Variants in NRXN1 observed in about 807,000 individuals in gnomAD.
NRXN1 encodes the protein neurexin-1.
In NRXN1, 39 loss-of-function variants were observed where a neutral mutation model predicts 150.9. That is an observed-to-expected ratio of 0.26 (90% CI 0.20 to 0.34). The LOEUF is 0.34. Among genes scored for constraint, NRXN1 ranks in the 10% least tolerant of loss-of-function variants. The probability of loss-of-function intolerance (pLI) is 1.00; values close to 1 mark genes in which losing one functional copy is unlikely to be tolerated. For missense variants in NRXN1, 1,815 were observed against 1,949.9 expected (o/e 0.93, Z 1.30); for synonymous variants, 924 against 757.0 (o/e 1.22, Z -3.62).
intron 21 of NRXN1, chr2:49,970,167 A>T (rs1351767347): frequency 2.0e-5 from 3 of 152,146 alleles, no homozygotes; most frequent in Non-Finnish European, 4.4e-5. Context: ...TAGTAAAACA[A>T]GTATTTGAAT....
rs72882064 is a variant in NRXN1, at chr2:50,532,671, G to A, written c.2144-1241C>T. On this transcript the variant is annotated intron_variant, in intron 10 of 22. Transcript: ENST00000401669. ...CTAAATAAGCATGGGGGTGGGACTG[G>A]GGAGCTTGTGAGGATGTTTGTTACT... Among the ~76,000 whole-genome samples the A allele has an allele frequency of 3.4e-3, 524 of 152,194 alleles. 5 individuals are homozygous for A. Among genetic ancestry groups the A allele is most frequent in the African/African-American group, 0.012 (506 of 41,526 alleles).
chr2:50,259,213 T>G (rs2068010982), intron 17 of NRXN1, among the ~76,000 whole-genome samples: 1 of 152,054 alleles, frequency 6.6e-6, no homozygotes, highest in Admixed American at 6.6e-5. Context: ...AAAAACTATA[T>G]AAAGCTGTTT....
rs1208030506 is a variant in NRXN1 at position 50,019,972 on chromosome 2, AAGAG to A, written c.4128+33295_4128+33298del. On this transcript the variant is annotated intron_variant, in intron 21 of 22. Transcript: ENST00000401669. Reference sequence around the variant, plus strand: ...CAAAAAAAAAAAAAAAAAAAAAAAAAAGAGAGAGAGAGAGACCTAGGGAGCTACG... The same window carrying A: ...CAAAAAAAAAAAAAAAAAAAAAAAAAAGAGAGAGAGACCTAGGGAGCTACG... Among the ~76,000 whole-genome samples, 1,000 of 111,408 alleles carry A rather than the reference AAGAG, an allele frequency of 9.0e-3. 129 individuals are homozygous for A. Among genetic ancestry groups the A allele is most frequent in the African/African-American group, 0.024 (652 of 27,172 alleles). 73.1% of individuals were successfully genotyped at this position (111,408 alleles called of 152,430 possible).
intron 5 of NRXN1, among the ~76,000 whole-genome samples, chr2:50,904,088 G>A (rs1683328724): frequency 6.6e-6 from 1 of 152,018 alleles, no homozygotes; most frequent in Non-Finnish European, 1.5e-5. Context: ...TGGTCCTCAG[G>A]TCCCTCCCCA....
At chr2:49,971,283 A>G (rs978370252) in intron 21 of NRXN1, among the ~76,000 whole-genome samples, 3 of 152,160 alleles carry the variant, frequency 2.0e-5, no homozygotes, top group Admixed American at 1.3e-4. Context: ...AACACATTTC[A>G]TAAATTAAAG....
intron 5 of NRXN1, among the ~76,000 whole-genome samples, chr2:50,763,377 A>G (rs1214343815): frequency 2.0e-5 from 3 of 151,950 alleles, no homozygotes; most frequent in Non-Finnish European, 4.4e-5. Flanking sequence ...CATCTGTAAA[A>G]CAACAATGAC....
chr2:50,628,118 T>A (rs1681508076), intron 5 of NRXN1, among the ~76,000 whole-genome samples: 1 of 151,778 alleles, frequency 6.6e-6, no homozygotes, highest in Non-Finnish European at 1.5e-5. Flanking sequence ...AGATATCTTG[T>A]ATCATTCCAA....
rs139602304 is a variant in NRXN1, at chr2:50,435,399, C to A, written c.3364+30043G>T. 5.9e-5 allele frequency among the ~76,000 whole-genome samples: 9 copies of A among 152,174 alleles called. No individual in the cohort carries two copies. In the East Asian group the frequency reaches 1.7e-3, roughly 29 times the overall value. ...TTGAAAGATGACATATTTGAATTCC[C>A]GAAGTACTTCAATTTCTGCTCCAAA... On this transcript the variant is annotated intron_variant, in intron 17 of 22. Coordinates refer to ENST00000401669, the MANE Select transcript of NRXN1 (RefSeq NM_001330078.2).
intron 5 of NRXN1, among the ~76,000 whole-genome samples, chr2:50,780,040 A>G (rs540757073): frequency 1.5e-4 from 23 of 152,160 alleles, no homozygotes; most frequent in South Asian, 8.3e-4. Flanking sequence ...TTGTTTCCTG[A>G]CTTTTTAATG....
intron 17 of NRXN1, among the ~76,000 whole-genome samples, chr2:50,375,340 T>A (rs2080404100): frequency 6.6e-6 from 1 of 151,072 alleles, no homozygotes; most frequent in South Asian, 2.1e-4. Context: ...CCAACATTAT[T>A]TCATTTGATT....
At chr2:50,035,670 C>T (rs1202302264) in intron 21 of NRXN1, among the ~76,000 whole-genome samples, 2 of 151,998 alleles carry the variant, frequency 1.3e-5, no homozygotes, top group African/African-American at 4.8e-5. Context: ...AAACTAAGGA[C>T]AATGTAGGAG....
At chr2:50,691,935 T>C (rs772246669) in intron 5 of NRXN1, among the ~76,000 whole-genome samples, 5 of 152,198 alleles carry the variant, frequency 3.3e-5, no homozygotes, top group East Asian at 3.8e-4. Context: ...TATACGTATA[T>C]ACATTAAAGC....
At chr2:50,770,313 A>C (rs996668562) in intron 5 of NRXN1, among the ~76,000 whole-genome samples, 6 of 151,736 alleles carry the variant, frequency 4.0e-5, no homozygotes, top group Admixed American at 3.9e-4. Flanking sequence ...TTGTACACGT[A>C]CATAATTTTA....
intron 2 of NRXN1, among the ~76,000 whole-genome samples, chr2:50,986,003 T>G (rs1479461540): frequency 6.6e-6 from 1 of 151,368 alleles, no homozygotes; most frequent in Non-Finnish European, 1.5e-5. Context: ...TGAACAAAAG[T>G]GACCAATAAA....
intron 17 of NRXN1, among the ~76,000 whole-genome samples, chr2:50,329,437 G>A (rs1264597331): frequency 2.0e-5 from 3 of 150,870 alleles, no homozygotes; most frequent in Non-Finnish European, 3.0e-5. Context: ...AGTACAGGAG[G>A]TAGTATAAAG....
intron 2 of NRXN1, among the ~76,000 whole-genome samples, chr2:50,995,801 G>A (rs1161786575): frequency 1.3e-5 from 2 of 151,990 alleles, no homozygotes; most frequent in African/African-American, 2.4e-5. Context: ...GAGATTCACA[G>A]CAATAATTCT....
At chr2:50,773,278 C>G (rs1703225990) in intron 5 of NRXN1, among the ~76,000 whole-genome samples, 1 of 152,120 alleles carries the variant, frequency 6.6e-6, no homozygotes, top group Non-Finnish European at 1.5e-5. Context: ...AACCTTTGTC[C>G]AGAGGGTCTC....
chr2:50,963,410 T>C (rs1371906385), intron 2 of NRXN1, among the ~76,000 whole-genome samples: 4 of 151,682 alleles, frequency 2.6e-5, no homozygotes, highest in South Asian at 4.1e-4. Flanking sequence ...ACTGGTCAAA[T>C]GGACAACGAG....
chr2:50,664,807 G>A (rs1217674736), intron 5 of NRXN1, among the ~76,000 whole-genome samples: 1 of 150,578 alleles, frequency 6.6e-6, no homozygotes, highest in Admixed American at 6.6e-5. Context: ...CTATGAAGCT[G>A]TAGGATATAT....
Sources: allele counts gnomAD v4.1 joint callset (sites outside exome capture counted in the v4.1 genomes callset), GRCh38; gene constraint gnomAD v4.1.1; transcripts MANE v1.5; gene names NCBI Gene and HGNC (gene_info 2026-07-23, HGNC 2026-07-21).